Variants in TTLL4 observed in about 807,000 individuals in gnomAD.
TTLL4 encodes the protein tubulin tyrosine ligase like 4.
Under a neutral mutation model 122.7 loss-of-function variants are expected in TTLL4, and 85 were observed. The observed-to-expected ratio is 0.69, with a 90% CI of 0.58 to 0.83. TTLL4 has a LOEUF of 0.83. Among genes scored for constraint, TTLL4 ranks in the 40% least tolerant of loss-of-function variants. The pLI is 0.00. For synonymous variants in TTLL4, 553 were observed against 563.0 expected (o/e 0.98, Z 0.25); for missense variants, 1,363 against 1,488.6 (o/e 0.92, Z 1.39).
chr2:218,744,994 T>G, intron 5 of TTLL4, 115 bp from the exon 6 acceptor site: 2 of 1,437,950 alleles, frequency 1.4e-6, no homozygotes, highest in South Asian at 1.4e-5. Flanking sequence ...CACCTGGCTT[T>G]TTAGAATCAC....
intron 16 of TTLL4, 113 bp from the exon 17 acceptor site, chr2:218,752,650 G>A: frequency 9.2e-7 from 1 of 1,090,730 alleles, no homozygotes; most frequent in Admixed American, 2.0e-5. Context: ...TTCCATGAGA[G>A]TCCCGGAGCT....
At chr2:218,720,633 C>T (rs1244722010) in intron 1 of TTLL4, among the ~76,000 whole-genome samples, 1 of 147,674 alleles carries the variant, frequency 6.8e-6, no homozygotes, top group Non-Finnish European at 1.5e-5. Flanking sequence ...GAGATCGTAC[C>T]ATTGCACTCC....
At chr2:218,732,456 A>T (rs1441383280) in intron 2 of TTLL4, among the ~76,000 whole-genome samples, 2 of 152,200 alleles carry the variant, frequency 1.3e-5, no homozygotes. Context: ...ACTGGGAGAA[A>T]GGTCTTCCAG....
intron 1 of TTLL4, among the ~76,000 whole-genome samples, chr2:218,722,785 C>T (rs1279493177): frequency 1.3e-5 from 2 of 152,204 alleles, no homozygotes; most frequent in Non-Finnish European, 2.9e-5. Flanking sequence ...ATGATGGTAG[C>T]TTGACTAAGG....
intron 1 of TTLL4, among the ~76,000 whole-genome samples, chr2:218,713,245 C>T (rs1354642523): frequency 6.6e-6 from 1 of 152,104 alleles, no homozygotes; most frequent in Non-Finnish European, 1.5e-5. Flanking sequence ...ATTAGCCAAG[C>T]ATGGTAGCGT....
chr2:218,738,131 G>A lies in TTLL4; in HGVS notation c.455G>A (p.Ser152Asn), dbSNP rs1287439734. The change falls in exon 3 of 20, where the codon AGC becomes AAC. Residue 152 changes from serine (S) to asparagine (N), a missense_variant. Ser to Asn is a conservative substitution (Grantham distance 46, BLOSUM62 1). Coordinates refer to ENST00000392102, the MANE Select transcript of TTLL4 (RefSeq NM_014640.5). ...AGCCCTTTTTCTCTCCCTCAAAAGA[G>A]CCTCCCTGTCAGTCTCACTGCCAAC... ...EKSPFSLPQK[S>N]LPVSLTANKA... 8.2e-5 allele frequency: 133 copies of A among 1,613,916 alleles called. No homozygotes were observed. The highest frequency in any genetic ancestry group is 1.1e-4 in the Non-Finnish European group (131 of 1,180,030).
chr2:218,727,466 C>A (rs1168334992), intron 2 of TTLL4, 119 bp downstream of exon 2: 3 of 152,058 alleles, frequency 2.0e-5, no homozygotes, highest in Admixed American at 1.3e-4. Context: ...TTGGAGATCA[C>A]CAAGTTTCCT....
chr2:218,741,718 A>G (rs1472855248), intron 5 of TTLL4, among the ~76,000 whole-genome samples: 1 of 152,196 alleles, frequency 6.6e-6, no homozygotes, highest in Non-Finnish European at 1.5e-5. Context: ...ATATTGATTA[A>G]GTACCTCCAC....
chr2:218,711,209 C>T (rs1356741344), intron 1 of TTLL4, among the ~76,000 whole-genome samples, 172 bp downstream of exon 1: 1 of 152,208 alleles, frequency 6.6e-6, no homozygotes, highest in Non-Finnish European at 1.5e-5. Flanking sequence ...CAGGGAGCCG[C>T]GGCCTCCTAC....
intron 5 of TTLL4, among the ~76,000 whole-genome samples, chr2:218,743,957 G>GC (rs1243171451): frequency 2.6e-5 from 4 of 152,188 alleles, no homozygotes; most frequent in African/African-American, 9.7e-5. Flanking sequence ...GGGATTACAG[G>GC]CATGAGCCAC....
intron 1 of TTLL4, among the ~76,000 whole-genome samples, chr2:218,718,773 C>G (rs916739483): frequency 1.3e-5 from 2 of 152,172 alleles, no homozygotes; most frequent in African/African-American, 4.8e-5. Context: ...GAGGACAGAA[C>G]TGTATAGGCA....
In TTLL4 at chr2:218,738,156, CA is replaced by C; in HGVS notation, c.482del (p.Lys161ArgfsTer57). The stretch of plus-strand genomic sequence containing the variant: ...GCCTCCCTGTCAGTCTCACTGCCAA[CA>C]AGGCCACTTCTTCCATGGTCTTCTC... ...KSLPVSLTANKATSSMVFSMA... is the reference protein window; with the variant it reads ...KSLPVSLTANXATSSMVFSMA... On this transcript the variant is annotated frameshift_variant, in exon 3 of 20. Coordinates refer to ENST00000392102, the MANE Select transcript of TTLL4 (RefSeq NM_014640.5). LOFTEE classifies it high-confidence loss of function. The C allele has an allele frequency of 6.2e-7, 1 of 1,614,106 alleles. No individual in the cohort carries two copies. The highest frequency in any genetic ancestry group is 1.1e-5 in the South Asian group (1 of 91,080).
chr2:218,745,619 T>A, intron 6 of TTLL4, 72 bp from the exon 7 acceptor site: 1 of 1,058,080 alleles, frequency 9.5e-7, no homozygotes, highest in East Asian at 2.6e-5. Context: ...CCATGCCATC[T>A]TTTTTGTCTT....
chr2:218,728,423 G>A (rs978983300), intron 2 of TTLL4, among the ~76,000 whole-genome samples: 1 of 152,152 alleles, frequency 6.6e-6, no homozygotes, highest in African/African-American at 2.4e-5. Flanking sequence ...ATAATAGGGT[G>A]AGCGCTCCTA....
intron 15 of TTLL4, 121 bp downstream of exon 15, chr2:218,750,267 C>T (rs1279847461): frequency 2.2e-6 from 3 of 1,370,398 alleles, no homozygotes; most frequent in East Asian, 2.4e-5. Context: ...TCAATCTTGC[C>T]CCTACAGTCC....
intron 11 of TTLL4, 94 bp from the exon 12 acceptor site, chr2:218,748,011 T>G (rs1240246637): frequency 6.6e-7 from 1 of 1,524,646 alleles, no homozygotes; most frequent in East Asian, 2.2e-5. Flanking sequence ...TGTGTACTTG[T>G]TCTACACCTC....
intron 15 of TTLL4, 60 bp downstream of exon 15, chr2:218,750,206 T>C: frequency 6.3e-7 from 1 of 1,577,532 alleles, no homozygotes. Context: ...CTATAGTTTC[T>C]GGGAAGGAAT....
chr2:218,714,099 C>G (rs981520024), intron 1 of TTLL4, among the ~76,000 whole-genome samples: 2 of 152,084 alleles, frequency 1.3e-5, no homozygotes, highest in African/African-American at 4.8e-5. Context: ...GAAGCCGTGA[C>G]GTGGAAGGGA....
At chr2:218,716,785 C>G (rs1358096244) in intron 1 of TTLL4, among the ~76,000 whole-genome samples, 1 of 151,758 alleles carries the variant, frequency 6.6e-6, no homozygotes, top group Non-Finnish European at 1.5e-5. Context: ...GAGACTCTGT[C>G]TCAAAAAGAA....
Sources: gnomAD v4.1 joint callset for allele counts (sites outside exome capture counted in the v4.1 genomes callset) on GRCh38, gnomAD v4.1.1 for gene constraint, MANE v1.5 for transcripts, NCBI Gene and HGNC (gene_info 2026-07-23, HGNC 2026-07-21) for gene names.